Variants in PPFIA1 observed in about 807,000 individuals in gnomAD.
PPFIA1 encodes the protein PPFI scaffold protein A1.
A neutral mutation model predicts 149.9 loss-of-function variants in PPFIA1; 25 were observed. The observed-to-expected ratio is 0.17, with a 90% CI of 0.12 to 0.23. The LOEUF (loss-of-function observed/expected upper bound fraction) is 0.23. PPFIA1 is among the 10% of genes least tolerant of loss of function. PPFIA1 has a pLI of 1.00. For synonymous variants in PPFIA1, 549 were observed against 552.8 expected, an observed-to-expected ratio of 0.99 and a Z score of 0.10; for missense variants, 1,362 against 1,506.5, an observed-to-expected ratio of 0.90 and a Z score of 1.59.
intron 4 of PPFIA1, 143 bp downstream of exon 4, chr11:70,325,154 A>G (rs2054183156): frequency 2.6e-6 from 2 of 764,486 alleles, no homozygotes; most frequent in Admixed American, 7.3e-5. Flanking sequence ...TTGTAGGTTT[A>G]AAAAGTACTA....
chr11:70,334,341 A>G (rs755275464), intron 10 of PPFIA1: 2 of 152,070 alleles, frequency 1.3e-5, no homozygotes, highest in Non-Finnish European at 2.9e-5. Context: ...AGGCTACTAG[A>G]TTTTGTTTTC....
At chr11:70,295,334 A>AC (rs1167623697) in intron 2 of PPFIA1, among the ~76,000 whole-genome samples, 1,493 of 73,834 alleles carry the variant, frequency 0.02, 236 homozygotes, top group Admixed American at 0.062. Flanking sequence ...CGGGGGGCTG[A>AC]CCCCCCCCAC....
intron 26 of PPFIA1, among the ~76,000 whole-genome samples, chr11:70,379,051 G>A (rs1364639464): frequency 6.6e-6 from 1 of 152,160 alleles, no homozygotes; most frequent in Non-Finnish European, 1.5e-5. Context: ...CGTCATGGTA[G>A]TGTCTTCCTC....
intron 2 of PPFIA1, among the ~76,000 whole-genome samples, chr11:70,317,368 C>CT (rs1281246075): frequency 1.3e-5 from 2 of 152,004 alleles, no homozygotes; most frequent in Non-Finnish European, 2.9e-5. Flanking sequence ...TTTAAATTTG[C>CT]TTTGATATAT....
intron 7 of PPFIA1, among the ~76,000 whole-genome samples, chr11:70,327,928 G>A (rs1460459550): frequency 6.6e-6 from 1 of 152,218 alleles, no homozygotes; most frequent in Non-Finnish European, 1.5e-5. Flanking sequence ...TTGACGTTGA[G>A]TAATTTCATG....
intron 25 of PPFIA1, among the ~76,000 whole-genome samples, chr11:70,377,301 G>A (rs141886630): frequency 6.6e-6 from 1 of 152,146 alleles, no homozygotes; most frequent in African/African-American, 2.4e-5. Flanking sequence ...TGCATGGGTG[G>A]GGTGGCATGT....
At chr11:70,380,945 G>T (rs904732478) in intron 26 of PPFIA1, 3 of 151,884 alleles carry the variant, frequency 2.0e-5, no homozygotes, top group Admixed American at 6.6e-5. Flanking sequence ...GGGACCACAG[G>T]TGTGGTCCCA....
At chr11:70,320,595 GC>G (rs2053880793) in intron 2 of PPFIA1, among the ~76,000 whole-genome samples, 1 of 151,852 alleles carries the variant, frequency 6.6e-6, no homozygotes, top group Non-Finnish European at 1.5e-5. Context: ...GTGCCACCAT[GC>G]CCGGCTAATT....
intron 2 of PPFIA1, among the ~76,000 whole-genome samples, chr11:70,289,172 A>G (rs2051356018): frequency 6.6e-6 from 1 of 151,786 alleles, no homozygotes; most frequent in African/African-American, 2.4e-5. Context: ...GGGTTTCACC[A>G]TGTTGGCCAG....
At chr11:70,327,438 T>C (rs1276279658) in intron 7 of PPFIA1, 1 of 152,368 alleles carries the variant, frequency 6.6e-6, no homozygotes, top group African/African-American at 2.4e-5. Flanking sequence ...ATATACTCAT[T>C]GCTGACAAAT....
intron 7 of PPFIA1, chr11:70,329,971 T>A (rs1451347706): frequency 1.9e-6 from 1 of 517,684 alleles, no homozygotes; most frequent in Non-Finnish European, 3.3e-6. Context: ...GGTCTTGAAC[T>A]CCTTGCCTGA....
chr11:70,343,529 G>A (rs912469781), intron 14 of PPFIA1, 140 bp from the exon 15 acceptor site: 96 of 727,624 alleles, frequency 1.3e-4, no homozygotes, highest in Admixed American at 3.5e-4. Context: ...CCTGCTTCAT[G>A]TCAGTACCTT....
intron 2 of PPFIA1, among the ~76,000 whole-genome samples, chr11:70,310,613 T>G (rs2136508613): frequency 6.6e-6 from 1 of 152,218 alleles, no homozygotes; most frequent in South Asian, 2.1e-4. Flanking sequence ...GTCCATCTCT[T>G]GACCCCGTGA....
rs555052024 is a variant in PPFIA1 at position 70,348,039 on chromosome 11, A to G, written c.1932-150A>G. The G allele has an allele frequency of 1.3e-5, 8 of 615,390 alleles. No homozygotes were observed. The East Asian group carries it at 1.7e-4, about 13-fold the overall frequency. The allele number at this position is 615,390 out of a possible 1,614,324, so 38.1% of individuals were successfully genotyped here. A position where few individuals can be genotyped will look rare whatever the true frequency, so the allele number is the denominator to read the frequency against. On this transcript the variant is annotated intron_variant, in intron 15 of 27. Transcript: ENST00000253925. ...AAATAAATAAAAATTTAAAAAGAGTAGAACATTTTTGCTGAAGTGTTCATT... is the reference window on the plus strand; with the variant it reads ...AAATAAATAAAAATTTAAAAAGAGTGGAACATTTTTGCTGAAGTGTTCATT...
At chr11:70,329,551 A>G (rs1411235039) in intron 7 of PPFIA1, among the ~76,000 whole-genome samples, 1 of 152,096 alleles carries the variant, frequency 6.6e-6, no homozygotes, top group African/African-American at 2.4e-5. Flanking sequence ...GACTCGAGCA[A>G]TCCTCCTGTC....
intron 21 of PPFIA1, among the ~76,000 whole-genome samples, chr11:70,368,280 T>C (rs914694638): frequency 6.6e-6 from 1 of 152,264 alleles, no homozygotes; most frequent in African/African-American, 2.4e-5. Flanking sequence ...GAAGCATTTT[T>C]TTCTAGTAGA....
At chr11:70,352,522 G>A (rs147084281) in intron 16 of PPFIA1, among the ~76,000 whole-genome samples, 6 of 152,244 alleles carry the variant, frequency 3.9e-5, no homozygotes, top group Non-Finnish European at 8.8e-5. Flanking sequence ...TGGTGTCTTT[G>A]AGGAGCCTAG....
intron 26 of PPFIA1, chr11:70,378,432 A>G (rs908391263): frequency 1.6e-6 from 2 of 1,255,092 alleles, no homozygotes; most frequent in Non-Finnish European, 2.0e-6. Flanking sequence ...ATATTTTTCC[A>G]ACTAATAAAG....
intron 9 of PPFIA1, among the ~76,000 whole-genome samples, chr11:70,332,866 A>G (rs138742809): frequency 7.9e-5 from 12 of 152,274 alleles, no homozygotes; most frequent in African/African-American, 2.6e-4. Context: ...ATCCTTCTGG[A>G]CCATTCAGAT....
Sources: gnomAD v4.1 joint callset for allele counts (sites outside exome capture counted in the v4.1 genomes callset) on GRCh38, gnomAD v4.1.1 for gene constraint, MANE v1.5 for transcripts, NCBI Gene and HGNC (gene_info 2026-07-23, HGNC 2026-07-21) for gene names.